Variants in HERC1 observed in about 807,000 individuals in gnomAD.
The protein encoded by HERC1 is probable E3 ubiquitin-protein ligase HERC1.
A neutral mutation model predicts 554.3 loss-of-function variants in HERC1; 160 were observed. The ratio of observed to expected loss-of-function variants is 0.29; its 90% CI spans 0.25 to 0.33. The LOEUF (loss-of-function observed/expected upper bound fraction) is 0.33. HERC1 is among the 10% of genes least tolerant of loss of function. HERC1 has a pLI of 1.00. For synonymous variants in HERC1, 2,175 were observed against 2,131.7 expected (o/e 1.02, Z -0.56); for missense variants, 4,919 against 5,918.5 (o/e 0.83, Z 5.54).
chr15:63,774,638 C>T, intron 2 of HERC1, 56 bp downstream of exon 2: 1 of 1,293,956 alleles, frequency 7.7e-7, no homozygotes, highest in Non-Finnish European at 1.1e-6. Context: ...TTAAAAACTG[C>T]ATTGACTTTT....
intron 59 of HERC1, among the ~76,000 whole-genome samples, chr15:63,642,603 T>G (rs564296728): frequency 1.3e-5 from 2 of 152,312 alleles, no homozygotes; most frequent in South Asian, 4.1e-4. Context: ...CTCCCCAAAG[T>G]GCTGGGATTA....
chr15:63,715,727 T>C (rs993824434), intron 22 of HERC1, among the ~76,000 whole-genome samples: 1 of 152,188 alleles, frequency 6.6e-6, no homozygotes, highest in Admixed American at 6.5e-5. Flanking sequence ...ACTTGATACT[T>C]CTCTTTAAAC....
At chr15:63,642,692 T>C (rs2069129366) in intron 59 of HERC1, among the ~76,000 whole-genome samples, 1 of 152,198 alleles carries the variant, frequency 6.6e-6, no homozygotes, top group South Asian at 2.1e-4. Context: ...CAAAATCTAC[T>C]TTATCACTTC....
intron 18 of HERC1, 139 bp downstream of exon 18, chr15:63,725,153 G>T: frequency 1.4e-6 from 1 of 718,374 alleles, no homozygotes; most frequent in Non-Finnish European, 2.3e-6. Flanking sequence ...AGGGCTCCAA[G>T]TCATAGCCCC....
rs191130513 is a variant in HERC1, at chr15:63,824,025, T to C, written c.-27+9802A>G. ...AATAGATATTTCTCCAAATAGGACA[T>C]AAAAATGCCTCAACATCACTAATCA... On this transcript the variant is annotated intron_variant, in intron 1 of 77. Transcript: ENST00000443617. 1.4e-4 allele frequency among the ~76,000 whole-genome samples: 22 copies of C among 152,102 alleles called. No individual in the cohort carries two copies. In the East Asian group the frequency reaches 1.5e-3, roughly 11 times the overall value.
intron 1 of HERC1, among the ~76,000 whole-genome samples, chr15:63,806,273 C>CT (rs1328776781): frequency 6.6e-6 from 1 of 151,792 alleles, no homozygotes; most frequent in Non-Finnish European, 1.5e-5. Flanking sequence ...AGCTCCTAGG[C>CT]TGAAGCAATC....
intron 3 of HERC1, among the ~76,000 whole-genome samples, chr15:63,763,313 G>C (rs1003667449): frequency 3.3e-5 from 5 of 152,196 alleles, no homozygotes; most frequent in African/African-American, 9.7e-5. Context: ...ACCACAAAGA[G>C]AGACAACCAG....
intron 8 of HERC1, among the ~76,000 whole-genome samples, chr15:63,751,234 TTTAGA>T (rs1473730436): frequency 1.3e-5 from 2 of 152,176 alleles, no homozygotes; most frequent in Non-Finnish European, 2.9e-5. Flanking sequence ...CTTTTCTATG[TTTAGA>T]TATGTTTAGA....
At position 63,652,529 on chromosome 15, in the gene HERC1, C is replaced by T. The variant is rs769257138; in HGVS notation, c.10303G>A (p.Val3435Ile). The T allele has an allele frequency of 1.3e-6, 2 of 1,593,858 alleles. No individual in the cohort carries two copies. The highest frequency in any genetic ancestry group is 1.7e-6 in the Non-Finnish European group (2 of 1,168,396). ...AAAAGACCTTTTTTATTACACCAAA[C>T]ACATGTCATTACCTAGAAAAGTTGA... ...EAHQNRVMTC[V>I]WCNKKGLLAT... Residue 3435 changes from valine (V) to isoleucine (I), a missense_variant, in exon 52 of 78, where the codon GTT becomes ATT. Transcript: ENST00000443617.
chr15:63,635,046 A>G, intron 65 of HERC1, 158 bp from the exon 66 acceptor site: 1 of 498,876 alleles, frequency 2.0e-6, no homozygotes, highest in Non-Finnish European at 3.4e-6. Context: ...TTTTTTTTTA[A>G]TTTTTTTTTA....
At chr15:63,828,009 T>C (rs1274294594) in intron 1 of HERC1, among the ~76,000 whole-genome samples, 1 of 152,150 alleles carries the variant, frequency 6.6e-6, no homozygotes, top group Admixed American at 6.5e-5. Flanking sequence ...CAGTTTCTTT[T>C]GGGGGTGATG....
chr15:63,662,929 T>G (rs376599580), intron 44 of HERC1, 55 bp downstream of exon 44: 2 of 1,364,244 alleles, frequency 1.5e-6, no homozygotes, highest in Admixed American at 3.6e-5. Context: ...GTAAGCTATA[T>G]GAACAGGAGG....
chr15:63,774,746 A>T lies in HERC1; in HGVS notation c.878T>A (p.Met293Lys). Residue 293 changes from methionine (M) to lysine (K), a missense_variant, in exon 2 of 78, where the codon ATG (methionine) becomes AAG (lysine). Transcript: ENST00000443617. Reference sequence around the variant, plus strand: ...GGTCATAAAGCAGTCAAAGCTGATCATTCCTTCCTGGCTTGAGAGTAGTTT... The same window carrying T: ...GGTCATAAAGCAGTCAAAGCTGATCTTTCCTTCCTGGCTTGAGAGTAGTTT... ...KGKLLSSQEG[M>K]ISFDCFMTIL... 1 of 1,613,960 alleles carries T rather than the reference A, an allele frequency of 6.2e-7. No homozygotes were observed. The highest frequency in any genetic ancestry group is 1.1e-5 in the South Asian group (1 of 91,052).
At position 63,624,227 on chromosome 15, in the gene HERC1, G is replaced by A; in HGVS notation, c.13376C>T (p.Ser4459Phe). The A allele has an allele frequency of 6.2e-7, 1 of 1,613,890 alleles. No individual in the cohort carries two copies. The highest frequency in any genetic ancestry group is 8.5e-7 in the Non-Finnish European group (1 of 1,179,832). The change falls in exon 72 of 78, where the codon TCC (serine) becomes TTC (phenylalanine). Residue 4459 changes from serine to phenylalanine, a missense_variant. Coordinates refer to ENST00000443617, the MANE Select transcript of HERC1 (RefSeq NM_003922.4). ...GCCTTGAACCATGGTTTTTCCTATG[G>A]AGCGCACCATTGGCAGAGTGTAGAC... is the stretch of plus-strand genomic sequence containing the variant. ...PRVYTLPMVR[S>F]IGKTMVQGKN...
chr15:63,640,481 GT>G (rs777475403), intron 60 of HERC1, 36 bp from the exon 61 acceptor site: 2 of 1,530,540 alleles, frequency 1.3e-6, no homozygotes, highest in East Asian at 4.5e-5. Flanking sequence ...ATGTCAAAGA[GT>G]TTGTGCCAAA....
At chr15:63,675,903 C>CTTT (rs201499820) in intron 37 of HERC1, among the ~76,000 whole-genome samples, 2,361 of 133,284 alleles carry the variant, frequency 0.018, 53 homozygotes, top group Non-Finnish European at 0.028. Flanking sequence ...CTGTATACAT[C>CTTT]TTTTTTTTTT....
chr15:63,757,181 T>C (rs1399381066), intron 4 of HERC1, among the ~76,000 whole-genome samples: 1 of 150,866 alleles, frequency 6.6e-6, no homozygotes, highest in Non-Finnish European at 1.5e-5. Context: ...AAGTTCTAGC[T>C]GGGCTACAAA....
At chr15:63,745,655 G>A (rs1184586931) in intron 12 of HERC1, among the ~76,000 whole-genome samples, 11 of 152,166 alleles carry the variant, frequency 7.2e-5, no homozygotes, top group Admixed American at 7.2e-4. Context: ...GCCTATTCAG[G>A]ACTGTTTTTT....
At chr15:63,666,984 T>C (rs566835159) in intron 40 of HERC1, among the ~76,000 whole-genome samples, 1 of 152,254 alleles carries the variant, frequency 6.6e-6, no homozygotes, top group African/African-American at 2.4e-5. Context: ...GTGATTTCCC[T>C]GATTAAAATG....
Sources: gnomAD v4.1 joint callset for allele counts (sites outside exome capture counted in the v4.1 genomes callset) on GRCh38, gnomAD v4.1.1 for gene constraint, MANE v1.5 for transcripts, NCBI Gene and HGNC (gene_info 2026-07-23, HGNC 2026-07-21) for gene names.